The following KIAA0319 variants were observed in gnomAD, a reference collection of about 807,000 sequenced individuals.
KIAA0319 encodes KIAA0319, also known as dyslexia-associated protein KIAA0319.
Under a neutral mutation model 108.4 loss-of-function variants are expected in KIAA0319, and 83 were observed. That is an observed-to-expected ratio of 0.77 (90% CI 0.64 to 0.92). The LOEUF (loss-of-function observed/expected upper bound fraction) is 0.92, where lower values mean the gene tolerates loss of function less well. KIAA0319 is among the 40% of genes least tolerant of loss of function. KIAA0319 has a pLI of 0.00. For synonymous variants in KIAA0319, 484 were observed against 510.4 expected, an observed-to-expected ratio of 0.95 and a Z score of 0.70; for missense variants, 1,195 against 1,322.4, an observed-to-expected ratio of 0.90 and a Z score of 1.49.
chr6:24,570,432 C>T (rs760199213), intron 11 of KIAA0319, among the ~76,000 whole-genome samples: 2 of 151,922 alleles, frequency 1.3e-5, no homozygotes, highest in African/African-American at 4.8e-5. Flanking sequence ...ACTAAAAATA[C>T]AAAAAATTAG....
chr6:24,608,127 C>CA (rs1404484646), intron 1 of KIAA0319, among the ~76,000 whole-genome samples: 2 of 151,808 alleles, frequency 1.3e-5, no homozygotes, highest in Non-Finnish European at 2.9e-5. Flanking sequence ...CAGCAACAGA[C>CA]AAAAAATAGA....
chr6:24,567,329 C>G (rs1161610763), intron 13 of KIAA0319, among the ~76,000 whole-genome samples: 1 of 152,092 alleles, frequency 6.6e-6, no homozygotes, highest in Non-Finnish European at 1.5e-5. Flanking sequence ...CAACAAGTCT[C>G]CATCTCTATG....
chr6:24,629,477 T>C (rs1775204642), intron 1 of KIAA0319, among the ~76,000 whole-genome samples: 1 of 121,870 alleles, frequency 8.2e-6, no homozygotes, highest in Non-Finnish European at 1.6e-5. Context: ...ATCGTGCCAC[T>C]GCACTCCAGC....
intron 3 of KIAA0319, among the ~76,000 whole-genome samples, chr6:24,595,063 G>A (rs919447263): frequency 2.0e-5 from 3 of 152,242 alleles, no homozygotes; most frequent in South Asian, 4.1e-4. Flanking sequence ...TTCATGGAAC[G>A]TTTTATGACG....
chr6:24,566,560 A>G (rs371658891), intron 14 of KIAA0319, 37 bp downstream of exon 14: 3 of 1,562,008 alleles, frequency 1.9e-6, no homozygotes, highest in Non-Finnish European at 2.6e-6. Context: ...AGATGTAATG[A>G]TAAGTGGTCT....
At chr6:24,573,535 C>G (rs1765031018) in intron 10 of KIAA0319, among the ~76,000 whole-genome samples, 2 of 152,062 alleles carry the variant, frequency 1.3e-5, no homozygotes, top group South Asian at 4.1e-4. Context: ...CAAAAGCAAA[C>G]AGTAAAAAAA....
At chr6:24,575,552 A>C (rs923372030) in intron 10 of KIAA0319, among the ~76,000 whole-genome samples, 1 of 152,098 alleles carries the variant, frequency 6.6e-6, no homozygotes, top group African/African-American at 2.4e-5. Context: ...TGGCTCTTTC[A>C]AGTTCCATAA....
chr6:24,540,942 TGTATGTGA>T (rs1295920394), downstream of KIAA0319, among the ~76,000 whole-genome samples: 3 of 97,666 alleles, frequency 3.1e-5, no homozygotes, highest in South Asian at 3.8e-4. Flanking sequence ...TGCACTCATT[TGTATGTGA>T]GTGTTTGTAC....
chr6:24,569,994 C>T lies in KIAA0319; in HGVS notation c.1900G>A (p.Glu634Lys). 6.2e-7 allele frequency: 1 copy of T among 1,614,150 alleles called. No homozygotes were observed. The highest frequency in any genetic ancestry group is 1.1e-5 in the South Asian group (1 of 91,078). The part of the protein sequence containing the change: ...PPVAVAGPDK[E>K]LIFPVESATL... ...GCACTTTCCACTGGGAAGATCAGCT[C>T]TTTATCAGGGCCGGCCACAGCCACT... is the stretch of plus-strand genomic sequence containing the variant. The change falls in exon 12 of 21, where the codon GAG becomes AAG. Residue 634 changes from glutamate (E) to lysine (K), a missense_variant. Glu to Lys is a moderately conservative substitution (Grantham distance 56, BLOSUM62 1). Coordinates refer to ENST00000378214, the MANE Select transcript of KIAA0319 (RefSeq NM_014809.4).
intron 18 of KIAA0319, among the ~76,000 whole-genome samples, chr6:24,555,220 G>A (rs1762108860): frequency 6.6e-6 from 1 of 152,168 alleles, no homozygotes; most frequent in African/African-American, 2.4e-5. Context: ...TATTAGGCAG[G>A]GTGCGGTGGC....
chr6:24,603,501 C>T (rs139079000), intron 1 of KIAA0319, among the ~76,000 whole-genome samples: 72 of 152,282 alleles, frequency 4.7e-4, no homozygotes, highest in Non-Finnish European at 8.2e-4. Flanking sequence ...ATTTTAGTTC[C>T]AGTTCACACC....
intron 1 of KIAA0319, among the ~76,000 whole-genome samples, chr6:24,630,297 T>A (rs924204608): frequency 6.6e-6 from 1 of 151,700 alleles, no homozygotes; most frequent in African/African-American, 2.4e-5. Flanking sequence ...TCACTTAAGG[T>A]CAGGAGTTCG....
At chr6:24,604,501 T>G (rs1435225291) in intron 1 of KIAA0319, among the ~76,000 whole-genome samples, 21 of 152,218 alleles carry the variant, frequency 1.4e-4, no homozygotes. Context: ...GAGAAGATAC[T>G]GCTCTGAAGG....
At chr6:24,607,012 A>G (rs1224053881) in intron 1 of KIAA0319, among the ~76,000 whole-genome samples, 4 of 152,230 alleles carry the variant, frequency 2.6e-5, no homozygotes, top group Non-Finnish European at 4.4e-5. Context: ...TCTTGAGGAA[A>G]AAATAAACTT....
At chr6:24,602,883 C>T (rs1770857022) in intron 1 of KIAA0319, among the ~76,000 whole-genome samples, 1 of 152,116 alleles carries the variant, frequency 6.6e-6, no homozygotes, top group South Asian at 2.1e-4. Flanking sequence ...ATGTGGAAAA[C>T]CAACGGGTAT....
At position 24,616,243 on chromosome 6, in the gene KIAA0319, T is replaced by C. The variant is rs575576485; in HGVS notation, c.-105-15035A>G. 2.6e-5 allele frequency among the ~76,000 whole-genome samples: 4 copies of C among 152,376 alleles called. No homozygotes were observed. In the South Asian group the frequency reaches 8.3e-4, roughly 32 times the overall value. On this transcript the variant is annotated intron_variant, in intron 1 of 20. Transcript: ENST00000378214. Reference sequence around the variant, plus strand: ...TAATGTAAAACATCCAGTATGATCCTCTTGAGGTATCCTTAAAATTCATAT... The same window carrying C: ...TAATGTAAAACATCCAGTATGATCCCCTTGAGGTATCCTTAAAATTCATAT...
At position 24,572,626 on chromosome 6, in the gene KIAA0319, C is replaced by T. The variant is rs954789839; in HGVS notation, c.1807G>A (p.Asp603Asn). 1.9e-6 allele frequency: 3 copies of T among 1,614,114 alleles called. No homozygotes were observed. Among genetic ancestry groups the T allele is most frequent in the Non-Finnish European group, 2.5e-6 (3 of 1,180,000 alleles). Residue 603 changes from aspartate (D) to asparagine (N), a missense_variant, in exon 11 of 21, where the codon GAT becomes AAT. Asp to Asn is a conservative substitution (Grantham distance 23). Coordinates refer to ENST00000378214, the MANE Select transcript of KIAA0319 (RefSeq NM_014809.4). ...GCAGTAGACTGTTGCCTTGAAGAAT[C>T]TGTCACCTTCAGCTGAAATGTATAA... ...GDYTFQLKVT[D>N]SSRQQSTAVV...
chr6:24,599,720 G>T lies in KIAA0319; in HGVS notation c.55+1329C>A. On this transcript the variant is annotated intron_variant, in intron 2 of 20. Transcript: ENST00000378214. The surrounding 1 kb of genome is among the most constrained non-coding windows in gnomAD (Gnocchi z 4.1). ...GCAGCACCAACTCCTTCAGGGCCAT[G>T]GTTGTGAAGAAGATCGAGATTTGTG... The T allele has an allele frequency of 1.7e-6, 1 of 576,644 alleles. No individual in the cohort carries two copies. The highest frequency in any genetic ancestry group is 1.7e-5 in the South Asian group (1 of 58,594). 35.7% of individuals were successfully genotyped at this position (576,644 alleles called of 1,614,324 possible). A position where few individuals can be genotyped will look rare whatever the true frequency, so the allele number is the denominator to read the frequency against.
intron 4 of KIAA0319, among the ~76,000 whole-genome samples, chr6:24,586,091 A>G (rs1234442994): frequency 1.3e-5 from 2 of 152,044 alleles, no homozygotes; most frequent in African/African-American, 2.4e-5. Flanking sequence ...CCGTCTCAAA[A>G]CAAACAAAAA....
Sources: allele counts gnomAD v4.1 joint callset (sites outside exome capture counted in the v4.1 genomes callset), GRCh38; gene constraint gnomAD v4.1.1; non-coding constraint Gnocchi (gnomAD v3.1); transcripts MANE v1.5; gene names NCBI Gene and HGNC (gene_info 2026-07-23, HGNC 2026-07-21).